Variants in TSLP observed in about 807,000 individuals in gnomAD.
TSLP encodes thymic stroma-derived lymphopoietin.
In TSLP, 12 loss-of-function variants were observed where a neutral mutation model predicts 12.4. The observed-to-expected ratio is 0.97, with a 90% confidence interval of 0.62 to 1.57. The LOEUF (loss-of-function observed/expected upper bound fraction) is 1.57, where lower values mean the gene tolerates loss of function less well. Among genes scored for constraint, TSLP ranks in the 40% most tolerant of loss-of-function variants. The probability of loss-of-function intolerance (pLI) is 0.00; values close to 1 mark genes in which losing one functional copy is unlikely to be tolerated. For synonymous variants in TSLP, 97 were observed against 69.5 expected (o/e 1.40, Z -1.97); for missense variants, 222 against 189.6 (o/e 1.17, Z -1.00).
rs190158002 is a variant in TSLP, at chr5:111,077,795, C to T, written c.*1721C>T. The T allele has an allele frequency of 5.9e-5, 9 of 152,560 alleles. No homozygotes were observed. Among genetic ancestry groups the T allele is most frequent in the African/African-American group, 1.2e-4 (5 of 41,504 alleles). The allele number at this position is 152,560 out of a possible 1,614,324, so 9.5% of individuals were successfully genotyped here. ...TTTATATATTTTATTCTATGTGTTC[C>T]ATAGATATCTTAATGTAAAATTAGT... On this transcript the variant is annotated 3_prime_UTR_variant, in exon 4 of 4. Coordinates refer to ENST00000344895, the MANE Select transcript of TSLP (RefSeq NM_033035.5).
rs1267224802 is a variant in TSLP at position 111,073,569 on chromosome 5, C to G, written c.275C>G (p.Ser92Trp). The G allele has an allele frequency of 6.2e-7, 1 of 1,614,148 alleles. No homozygotes were observed. The highest frequency in any genetic ancestry group is 1.3e-5 in the African/African-American group (1 of 75,040). Reference protein sequence around the residue: ...LTFNPTAGCASLAKEMFAMKT... With the variant: ...LTFNPTAGCAWLAKEMFAMKT... ...TTCAATCCCACCGCCGGCTGCGCGT[C>G]GCTCGCCAAAGAAATGTTCGCCATG... The change falls in exon 3 of 4, where the codon TCG becomes TGG. Residue 92 changes from serine to tryptophan, a missense_variant. Transcript: ENST00000344895.
At chr5:111,071,636 T>G, upstream of TSLP, 11 of 1,446,682 alleles carry the variant, frequency 7.6e-6, no homozygotes, top group Non-Finnish European at 1.0e-5. Context: ...AATGACATGG[T>G]AGAAAATCAT....
intron 2 of TSLP, chr5:111,073,277 G>C: frequency 1.4e-6 from 2 of 1,416,346 alleles, no homozygotes; most frequent in Non-Finnish European, 1.8e-6. Context: ...AGGAGCGAGC[G>C]TGGGTGACAG....
In TSLP at chr5:111,076,920, C is replaced by T. The variant is rs528583660; in HGVS notation, c.*846C>T. 6.6e-6 allele frequency: 1 copy of T among 152,316 alleles called. No individual in the cohort carries two copies. Among genetic ancestry groups the T allele is most frequent in the Admixed American group, 6.5e-5 (1 of 15,304 alleles). The allele number at this position is 152,316 out of a possible 1,614,324, so 9.4% of individuals were successfully genotyped here. A position where few individuals can be genotyped will look rare whatever the true frequency, so the allele number is the denominator to read the frequency against. ...AGCCCACTGACTGCTCCCCTTTATA[C>T]CTGTTGGCCCTGCCTATAGGAGAGA... On this transcript the variant is annotated 3_prime_UTR_variant, in exon 4 of 4. Coordinates refer to ENST00000344895, the MANE Select transcript of TSLP (RefSeq NM_033035.5).
At chr5:111,075,908 G>GA (rs750095133) in intron 3 of TSLP, 38 bp from the exon 4 acceptor site, 2 of 1,601,684 alleles carry the variant, frequency 1.2e-6, no homozygotes. Flanking sequence ...TAAAGATAGT[G>GA]AAAAGTAATT....
chr5:111,073,160 T>G (rs1259630956), intron 2 of TSLP, among the ~76,000 whole-genome samples: 1 of 152,196 alleles, frequency 6.6e-6, no homozygotes, highest in Non-Finnish European at 1.5e-5. Context: ...AAAGGCAAAT[T>G]GGGAACTGGG....
chr5:111,072,858 C>T (rs1370526163), intron 1 of TSLP, 30 bp from the exon 2 acceptor site: 2 of 1,612,798 alleles, frequency 1.2e-6, no homozygotes, highest in Admixed American at 1.7e-5. Flanking sequence ...AAAGTCTTTA[C>T]CCTCTTTGTC....
At chr5:111,072,961 T>A in intron 2 of TSLP, 29 bp downstream of exon 2, 3 of 1,613,522 alleles carry the variant, frequency 1.9e-6, no homozygotes, top group Non-Finnish European at 2.5e-6. Flanking sequence ...GCTGCTGGCT[T>A]TCTCCAGGGA....
chr5:111,071,541 T>C (rs1752338192), upstream of TSLP: 1 of 1,541,916 alleles, frequency 6.5e-7, no homozygotes, highest in Non-Finnish European at 8.7e-7. Context: ...CTGATGACTT[T>C]ACTGATGTTA....
In TSLP at chr5:111,071,965, G is replaced by A; in HGVS notation, c.75G>A (p.Leu25=). The A allele has an allele frequency of 6.2e-7, 1 of 1,614,174 alleles. No individual in the cohort carries two copies. Among genetic ancestry groups the A allele is most frequent in the African/African-American group, 1.3e-5 (1 of 75,048 alleles). Reference sequence around the variant, plus strand: ...TCTTCATCTTACAACTTGTAGGGCTGGTGTTAACTTACGACTTCACTAACT... The same window carrying A: ...TCTTCATCTTACAACTTGTAGGGCTAGTGTTAACTTACGACTTCACTAACT... ...RKIFILQLVG[L]VLTYDFTNCD... is the part of the protein sequence containing the mutation. Residue 25 remains leucine, a synonymous_variant, in exon 1 of 4, where the codon CTG becomes CTA. Transcript: ENST00000344895.
intron 1 of TSLP, among the ~76,000 whole-genome samples, chr5:111,072,263 G>A (rs1257355498): frequency 2.0e-5 from 3 of 152,222 alleles, no homozygotes; most frequent in Non-Finnish European, 4.4e-5. Flanking sequence ...TAAGTGTGCA[G>A]ATGCTGATGA....
chr5:111,075,971 AGAG>A lies in TSLP; in HGVS notation c.381_383del (p.Arg128del), dbSNP rs2112547894. The A allele has an allele frequency of 1.2e-6, 2 of 1,613,914 alleles. No homozygotes were observed. Among genetic ancestry groups the A allele is most frequent in the South Asian group, 2.2e-5 (2 of 91,032 alleles). Reference sequence around the variant, plus strand: ...ATAAATGCTACTCAGGCAATGAAGAAGAGGAGAAAAAGGAAAGTCACAACCAAT... The same window carrying A: ...ATAAATGCTACTCAGGCAATGAAGAAGAGAAAAAGGAAAGTCACAACCAAT... On this transcript the variant is annotated inframe_deletion, in exon 4 of 4. Coordinates refer to ENST00000344895, the MANE Select transcript of TSLP (RefSeq NM_033035.5).
intron 1 of TSLP, 67 bp from the exon 2 acceptor site, chr5:111,072,821 G>T: frequency 6.6e-7 from 1 of 1,523,714 alleles, no homozygotes; most frequent in South Asian, 1.1e-5. Flanking sequence ...AGCAAAGGGT[G>T]GAGGGATGAT....
rs1194751649 is a variant in TSLP at position 111,076,703 on chromosome 5, CTTTAA to C, written c.*634_*638del. On this transcript the variant is annotated 3_prime_UTR_variant, in exon 4 of 4. Transcript: ENST00000344895. ...ATATACATATAAATTATAGAATCTA[CTTTAA>C]TTTATTTTGTGAACACTTTTGAAAA... 1.4e-4 allele frequency: 21 copies of C among 152,256 alleles called. No homozygotes were observed. Among genetic ancestry groups the C allele is most frequent in the South Asian group, 6.2e-4 (3 of 4,822 alleles). The allele number at this position is 152,256 out of a possible 1,614,324, so 9.4% of individuals were successfully genotyped here.
Position 111,073,632 on chromosome 5 carries a change from A to G in TSLP, c.338A>G (p.Tyr113Cys). ...KAALAIWCPG[Y>C]SETQINATQA... is the part of the protein sequence containing the mutation. The stretch of plus-strand genomic sequence containing the variant: ...GCCTTAGCTATCTGGTGCCCAGGCT[A>G]TTCGGAAACTCAGGTAAGCCCGAAG... The change falls in exon 3 of 4, where the codon TAT (tyrosine) becomes TGT (cysteine). Residue 113 changes from tyrosine (Y) to cysteine (C), a missense_variant. Coordinates refer to ENST00000344895, the MANE Select transcript of TSLP (RefSeq NM_033035.5). The G allele has an allele frequency of 1.2e-6, 2 of 1,614,170 alleles. No homozygotes were observed. The highest frequency in any genetic ancestry group is 1.7e-6 in the Non-Finnish European group (2 of 1,180,028).
chr5:111,070,641 T>C (rs554022656), upstream of TSLP: 13 of 152,478 alleles, frequency 8.5e-5, no homozygotes, highest in Admixed American at 7.2e-4. Flanking sequence ...TCTCCCTGAC[T>C]CACTTTGCTG....
In TSLP at chr5:111,071,931, T is replaced by C. The variant is rs746052518; in HGVS notation, c.41T>C (p.Phe14Ser). ...TTACTATATGTTCTGTCAGTTTCTT[T>C]CAGGAAAATCTTCATCTTACAACTT... ...FALLYVLSVSFRKIFILQLVG... is the reference protein window; with the variant it reads ...FALLYVLSVSSRKIFILQLVG... Residue 14 changes from phenylalanine to serine, a missense_variant, in exon 1 of 4, where the codon TTC (phenylalanine) becomes TCC (serine). By Grantham distance (155) the Phe-to-Ser change is radical (BLOSUM62 -2). Coordinates refer to ENST00000344895, the MANE Select transcript of TSLP (RefSeq NM_033035.5). 3 of 1,614,246 alleles carry C rather than the reference T, an allele frequency of 1.9e-6. No homozygotes were observed. In the South Asian group the frequency reaches 3.3e-5, roughly 18 times the overall value.
chr5:111,070,884 C>A (rs937279742), upstream of TSLP: 1 of 152,296 alleles, frequency 6.6e-6, no homozygotes, highest in Non-Finnish European at 1.5e-5. Context: ...GTGCGGTCGC[C>A]GCTGGGCACC....
At chr5:111,074,900 G>A (rs373859297) in intron 3 of TSLP, among the ~76,000 whole-genome samples, 4 of 152,258 alleles carry the variant, frequency 2.6e-5, no homozygotes, top group East Asian at 1.9e-4. Flanking sequence ...TTACAAGCAT[G>A]AGCCACCATG....
Sources: allele counts gnomAD v4.1 joint callset (sites outside exome capture counted in the v4.1 genomes callset), GRCh38; gene constraint gnomAD v4.1.1; transcripts MANE v1.5; gene names NCBI Gene and HGNC (gene_info 2026-07-23, HGNC 2026-07-21).